The following SLC6A15 variants were observed in gnomAD, a reference collection of about 807,000 sequenced individuals.
SLC6A15 encodes the protein solute carrier family 6 member 15, also known as sodium-dependent neutral amino acid transporter B(0)AT2.
In SLC6A15, 33 loss-of-function variants were observed where a neutral mutation model predicts 68.5. The ratio of observed to expected loss-of-function variants is 0.48; its 90% CI spans 0.37 to 0.64. The LOEUF (loss-of-function observed/expected upper bound fraction) is 0.64. Among genes scored for constraint, SLC6A15 ranks in the 30% least tolerant of loss-of-function variants. The pLI is 0.00. For synonymous variants in SLC6A15, 347 were observed against 301.0 expected, an observed-to-expected ratio of 1.15 and a Z score of -1.58; for missense variants, 747 against 874.3, an observed-to-expected ratio of 0.85 and a Z score of 1.84.
intron 3 of SLC6A15, 142 bp downstream of exon 3, chr12:84,885,769 T>G (rs1374002958): frequency 1.0e-5 from 10 of 977,308 alleles, no homozygotes; most frequent in Non-Finnish European, 1.5e-5. Context: ...TATTTATAGT[T>G]AATCCATATG....
intron 1 of SLC6A15, among the ~76,000 whole-genome samples, chr12:84,897,065 T>C (rs10862946): frequency 0.49 from 75,089 of 152,024 alleles, 21,509 homozygotes; most frequent in African/African-American, 0.78. Flanking sequence ...TGGTGGCAGG[T>C]GCCTGTAATC....
chr12:84,878,529 A>G (rs141550897), intron 5 of SLC6A15, among the ~76,000 whole-genome samples: 2 of 152,266 alleles, frequency 1.3e-5, no homozygotes, highest in African/African-American at 4.8e-5. Flanking sequence ...TTTATAAATA[A>G]TATAATTGAC....
chr12:84,890,090 G>A (rs943985425), intron 2 of SLC6A15, among the ~76,000 whole-genome samples: 4 of 152,096 alleles, frequency 2.6e-5, no homozygotes, highest in African/African-American at 9.7e-5. Context: ...ATACTGAATG[G>A]TGAGTACAAT....
chr12:84,882,143 G>A (rs971396284), intron 5 of SLC6A15: 7 of 985,222 alleles, frequency 7.1e-6, no homozygotes, highest in African/African-American at 1.7e-5. Flanking sequence ...GAAACAAAAC[G>A]TGGTAGTAAG....
At chr12:84,879,982 A>T (rs1484138236) in intron 5 of SLC6A15, among the ~76,000 whole-genome samples, 1 of 152,220 alleles carries the variant, frequency 6.6e-6, no homozygotes, top group Non-Finnish European at 1.5e-5. Flanking sequence ...TGAAAATTAT[A>T]TTCTAATTAT....
intron 9 of SLC6A15, among the ~76,000 whole-genome samples, chr12:84,869,651 C>T (rs1871207054): frequency 6.6e-6 from 1 of 151,940 alleles, no homozygotes; most frequent in Non-Finnish European, 1.5e-5. Flanking sequence ...ACTAGCTATC[C>T]TCTGACCCTT....
At position 84,911,073 on chromosome 12, in the gene SLC6A15, A is replaced by G. The variant is rs143344646; in HGVS notation, c.-189+1450T>C. Among the ~76,000 whole-genome samples, 421 of 152,304 alleles carry G rather than the reference A, an allele frequency of 2.8e-3. 8 individuals are homozygous for G. In the South Asian group the frequency reaches 0.044, roughly 16 times the overall value. On this transcript the variant is annotated intron_variant, in intron 1 of 11. Transcript: ENST00000266682. ...AGTACTGGGCGCCTAAGACATAAAT[A>G]GGTCTGTGTTTCAGCAATGATCTTG...
chr12:84,870,970 A>C (rs1270354914), intron 8 of SLC6A15, among the ~76,000 whole-genome samples: 1 of 152,090 alleles, frequency 6.6e-6, no homozygotes, highest in Non-Finnish European at 1.5e-5. Flanking sequence ...ATATTAAAGA[A>C]TACATAATAT....
intron 10 of SLC6A15, among the ~76,000 whole-genome samples, chr12:84,864,476 C>G (rs1046093020): frequency 6.6e-6 from 1 of 151,788 alleles, no homozygotes; most frequent in African/African-American, 2.4e-5. Context: ...ACCACCATCA[C>G]GCCCGGCTGA....
At chr12:84,886,103 T>G (rs1872090133) in intron 2 of SLC6A15, 35 bp from the exon 3 acceptor site, 1 of 1,436,890 alleles carries the variant, frequency 7.0e-7, no homozygotes, top group South Asian at 1.2e-5. Flanking sequence ...GATTATATTT[T>G]CAATACAGTA....
At chr12:84,897,893 C>A (rs1320808704) in intron 1 of SLC6A15, among the ~76,000 whole-genome samples, 1 of 151,748 alleles carries the variant, frequency 6.6e-6, no homozygotes, top group Admixed American at 6.6e-5. Flanking sequence ...TTAATTTAAA[C>A]AAGGAAATAT....
intron 1 of SLC6A15, among the ~76,000 whole-genome samples, chr12:84,901,305 A>AT: frequency 6.6e-6 from 1 of 151,452 alleles, no homozygotes; most frequent in East Asian, 1.9e-4. Context: ...AGCTACTAAG[A>AT]TTTTCCTTTT....
intron 4 of SLC6A15, among the ~76,000 whole-genome samples, chr12:84,885,012 T>C (rs1872020479): frequency 6.6e-6 from 1 of 151,858 alleles, no homozygotes; most frequent in African/African-American, 2.4e-5. Flanking sequence ...ATTTATATTA[T>C]ATTATGGGAT....
rs1196465389 is a variant in SLC6A15, at chr12:84,873,310, G to A, written c.886C>T (p.Pro296Ser). 3.7e-6 allele frequency: 6 copies of A among 1,613,806 alleles called. No individual in the cohort carries two copies. Among genetic ancestry groups the A allele is most frequent in the South Asian group, 1.1e-5 (1 of 91,068 alleles). ...GTAGCAGCTTCTCTCCAGACCTTGG[G>A]CTCCAGCATTATTTCAAGCTGTTTA... ...FTPKLEIMLE[P>S]KVWREAATQV... The change falls in exon 7 of 12, where the codon CCC (proline) becomes TCC (serine). Residue 296 changes from proline to serine, a missense_variant. Coordinates refer to ENST00000266682, the MANE Select transcript of SLC6A15 (RefSeq NM_182767.6).
Position 84,877,776 on chromosome 12 carries a change from TTTG to T in SLC6A15, c.757-1172_757-1170del, listed in dbSNP as rs376315369. Among the ~76,000 whole-genome samples the T allele has an allele frequency of 6.0e-4, 91 of 152,186 alleles. 1 individual carries two copies. The East Asian group carries it at 8.3e-3, about 14-fold the overall frequency. On this transcript the variant is annotated intron_variant, in intron 5 of 11. Coordinates refer to ENST00000266682, the MANE Select transcript of SLC6A15 (RefSeq NM_182767.6). ...CAACCCTCAGTGATATTACCCTAGGTTTGTTGTTGTTGTTGTTTAGAGCACTTA... is the reference window on the plus strand; with the variant it reads ...CAACCCTCAGTGATATTACCCTAGGTTTGTTGTTGTTGTTTAGAGCACTTA...
intron 3 of SLC6A15, 29 bp downstream of exon 3, chr12:84,885,882 A>G (rs972625090): frequency 1.3e-6 from 2 of 1,576,210 alleles, no homozygotes; most frequent in Non-Finnish European, 1.7e-6. Flanking sequence ...TATAAAGATT[A>G]CAGCATACAC....
intron 5 of SLC6A15, among the ~76,000 whole-genome samples, chr12:84,880,503 C>T (rs1358260324): frequency 6.6e-6 from 1 of 152,124 alleles, no homozygotes; most frequent in Non-Finnish European, 1.5e-5. Context: ...TAAATGGAAA[C>T]TCCATGAGGA....
At chr12:84,885,373 C>T in intron 4 of SLC6A15, 62 bp downstream of exon 4, 1 of 1,400,914 alleles carries the variant, frequency 7.1e-7, no homozygotes, top group Non-Finnish European at 9.4e-7. Context: ...ATCTTGAAAG[C>T]TTGTACCTTT....
At chr12:84,872,464 T>C (rs768447131) in intron 8 of SLC6A15, 138 bp downstream of exon 8, 12 of 522,812 alleles carry the variant, frequency 2.3e-5, no homozygotes, top group Non-Finnish European at 3.9e-5. Flanking sequence ...GAAGGACTTA[T>C]AATGCCCAGG....
Sources: allele counts gnomAD v4.1 joint callset (sites outside exome capture counted in the v4.1 genomes callset), GRCh38; gene constraint gnomAD v4.1.1; transcripts MANE v1.5; gene names NCBI Gene and HGNC (gene_info 2026-07-23, HGNC 2026-07-21).